The following ENOX1 variants were observed in gnomAD, a reference collection of about 807,000 sequenced individuals.
ENOX1 encodes the protein ecto-NOX disulfide-thiol exchanger 1.
ENOX1 carries 42 observed loss-of-function variants against 82.5 expected under a neutral mutation model. The ratio of observed to expected loss-of-function variants is 0.51; its 90% CI spans 0.40 to 0.66. ENOX1 has a LOEUF of 0.66. ENOX1 is among the 30% of genes least tolerant of loss of function. ENOX1 has a pLI of 0.00. For missense variants in ENOX1, 608 were observed against 811.6 expected, an observed-to-expected ratio of 0.75 and a Z score of 3.05; for synonymous variants, 271 against 282.2, an observed-to-expected ratio of 0.96 and a Z score of 0.40.
Position 43,361,287 on chromosome 13 carries a change from T to A in ENOX1, c.374A>T (p.Gln125Leu). The change falls in exon 6 of 17, where the codon CAA becomes CTA. Residue 125 changes from glutamine to leucine, a missense_variant. Transcript: ENST00000690772. The stretch of plus-strand genomic sequence containing the variant: ...TCATAGGCGTTACTTACTTGGATTT[T>A]GAGGAAAAAGAGTACAGCTTTTGCA... Reference protein sequence around the residue: ...IHCKSCTLFPQNPNLPPPSTR... With the variant: ...IHCKSCTLFPLNPNLPPPSTR... The A allele has an allele frequency of 6.2e-7, 1 of 1,612,040 alleles. No homozygotes were observed.
At chr13:43,449,254 G>A (rs2056825003) in intron 3 of ENOX1, among the ~76,000 whole-genome samples, 1 of 152,094 alleles carries the variant, frequency 6.6e-6, no homozygotes, top group African/African-American at 2.4e-5. Flanking sequence ...GACTCCCTTG[G>A]GCAAATTAGG....
chr13:43,703,870 A>T (rs1211769361), intron 1 of ENOX1, among the ~76,000 whole-genome samples: 9 of 152,038 alleles, frequency 5.9e-5, no homozygotes, highest in South Asian at 2.1e-4. Flanking sequence ...ATATTTTTTT[A>T]AAAAACAGCT....
intron 2 of ENOX1, among the ~76,000 whole-genome samples, chr13:43,618,830 A>G (rs1282622090): frequency 1.3e-5 from 2 of 152,110 alleles, no homozygotes; most frequent in Non-Finnish European, 1.5e-5. Context: ...TTTTGGCAGT[A>G]TGGTCATTAT....
At chr13:43,616,204 A>ATATATATATATATTTT (rs1457149422) in intron 2 of ENOX1, among the ~76,000 whole-genome samples, 1 of 15,316 alleles carries the variant, frequency 6.5e-5, no homozygotes, top group Non-Finnish European at 2.1e-4. Context: ...ATATATATAT[A>ATATATATATATATTTT]TTTTTTTTTT....
At chr13:43,435,943 A>AC (rs1325337533) in intron 3 of ENOX1, among the ~76,000 whole-genome samples, 1 of 151,862 alleles carries the variant, frequency 6.6e-6, no homozygotes, top group Non-Finnish European at 1.5e-5. Context: ...AAAAAAAAAA[A>AC]AACCAACCTA....
At chr13:43,684,909 T>C (rs1348726578) in intron 1 of ENOX1, among the ~76,000 whole-genome samples, 1 of 152,182 alleles carries the variant, frequency 6.6e-6, no homozygotes, top group East Asian at 1.9e-4. Context: ...ATAATGATCA[T>C]AGCTAAATAA....
chr13:43,754,081 C>CAT (rs199545330), intron 1 of ENOX1, among the ~76,000 whole-genome samples: 52 of 134,316 alleles, frequency 3.9e-4, no homozygotes, highest in Middle Eastern at 4.0e-3. Flanking sequence ...TATAAATACA[C>CAT]ATATATACGT....
chr13:43,296,063 G>A (rs992210159), intron 12 of ENOX1, among the ~76,000 whole-genome samples: 2 of 152,080 alleles, frequency 1.3e-5, no homozygotes, highest in African/African-American at 4.8e-5. Context: ...TGCTAGGCTT[G>A]CCTCCAGGTC....
chr13:43,509,043 CTTG>C (rs1445303991), intron 2 of ENOX1, among the ~76,000 whole-genome samples: 35 of 151,898 alleles, frequency 2.3e-4, no homozygotes, highest in African/African-American at 7.0e-4. Context: ...TAAATAAGGT[CTTG>C]TTGGTAATTC....
At chr13:43,331,482 A>T (rs1348675882) in intron 9 of ENOX1, among the ~76,000 whole-genome samples, 1 of 152,182 alleles carries the variant, frequency 6.6e-6, no homozygotes, top group African/African-American at 2.4e-5. Flanking sequence ...TCAACTCTGC[A>T]GGGTACACAG....
intron 3 of ENOX1, among the ~76,000 whole-genome samples, chr13:43,422,751 T>C (rs149789319): frequency 7.2e-5 from 11 of 152,262 alleles, no homozygotes; most frequent in African/African-American, 2.6e-4. Flanking sequence ...GAAGAACAAT[T>C]TTCTTTTGGC....
chr13:43,380,789 T>TA (rs1339403865), intron 5 of ENOX1, among the ~76,000 whole-genome samples: 1 of 151,620 alleles, frequency 6.6e-6, no homozygotes, highest in Non-Finnish European at 1.5e-5. Flanking sequence ...GAATTTCAGA[T>TA]AAAAAATATA....
chr13:43,493,935 C>G (rs2076707547), intron 2 of ENOX1, among the ~76,000 whole-genome samples: 1 of 152,158 alleles, frequency 6.6e-6, no homozygotes, highest in Non-Finnish European at 1.5e-5. Flanking sequence ...AACTTACAAT[C>G]ATGACAGAAG....
chr13:43,306,766 T>C (rs1213076764), intron 11 of ENOX1, among the ~76,000 whole-genome samples: 1 of 152,206 alleles, frequency 6.6e-6, no homozygotes, highest in Admixed American at 6.5e-5. Flanking sequence ...CTAATTTTCA[T>C]CAAGAAACTT....
rs1037186115 is a variant in ENOX1, at chr13:43,578,420, C to T, written c.-219+89059G>A. On this transcript the variant is annotated intron_variant, in intron 2 of 16. Coordinates refer to ENST00000690772, the MANE Select transcript of ENOX1 (RefSeq NM_001347969.2). ...ATTTTGTTTATAAAATTTTTTGACACATTTGAAAACTTTTATCTCTAATTC... is the reference window on the plus strand; with the variant it reads ...ATTTTGTTTATAAAATTTTTTGACATATTTGAAAACTTTTATCTCTAATTC... Among the ~76,000 whole-genome samples, 7 of 152,134 alleles carry T rather than the reference C, an allele frequency of 4.6e-5. No individual in the cohort carries two copies. The East Asian group carries it at 1.4e-3, about 29-fold the overall frequency.
chr13:43,216,319 G>T (rs1382030664), intron 16 of ENOX1, among the ~76,000 whole-genome samples: 1 of 152,320 alleles, frequency 6.6e-6, no homozygotes, highest in African/African-American at 2.4e-5. Flanking sequence ...GTGTGTAATA[G>T]AAGTCATATC....
intron 9 of ENOX1, 81 bp downstream of exon 9, chr13:43,344,457 C>T: frequency 8.8e-7 from 1 of 1,135,698 alleles, no homozygotes; most frequent in Non-Finnish European, 1.3e-6. Flanking sequence ...GAACTACTTA[C>T]CCCCAAATGA....
intron 2 of ENOX1, among the ~76,000 whole-genome samples, chr13:43,522,927 G>A (rs1483191787): frequency 2.0e-5 from 3 of 152,114 alleles, no homozygotes; most frequent in African/African-American, 7.2e-5. Context: ...CCTCAATGTG[G>A]AAAGTCACTG....
Position 43,256,842 on chromosome 13 carries a change from C to T in ENOX1, c.1611+8556G>A, listed in dbSNP as rs148028612. 8.1e-3 allele frequency among the ~76,000 whole-genome samples: 1,234 copies of T among 152,036 alleles called. 21 individuals are homozygous for T. The highest frequency in any genetic ancestry group is 0.028 in the African/African-American group (1,177 of 41,468). On this transcript the variant is annotated intron_variant, in intron 14 of 16. Coordinates refer to ENST00000690772, the MANE Select transcript of ENOX1 (RefSeq NM_001347969.2). ...TTCAAAAGAAAGAAAATCAATATAC[C>T]AAAGAGATGTATTGATATATTGCAG... is the stretch of plus-strand genomic sequence containing the variant.
Sources: gnomAD v4.1 joint callset for allele counts (sites outside exome capture counted in the v4.1 genomes callset) on GRCh38, gnomAD v4.1.1 for gene constraint, MANE v1.5 for transcripts, NCBI Gene and HGNC (gene_info 2026-07-23, HGNC 2026-07-21) for gene names.